Variants in MTR observed in about 807,000 individuals in gnomAD.
MTR encodes the protein 5-methyltetrahydrofolate-homocysteine methyltransferase, also known as methionine synthase.
MTR carries 84 observed loss-of-function variants against 154.8 expected under a neutral mutation model. The observed-to-expected ratio is 0.54, with a 90% CI of 0.45 to 0.65. The LOEUF (loss-of-function observed/expected upper bound fraction) is 0.65, where lower values mean the gene tolerates loss of function less well. Ranked by LOEUF, MTR falls within the 30% of genes least tolerant of loss-of-function variation. The pLI is 0.00. For missense variants in MTR, 1,275 were observed against 1,570.2 expected (o/e 0.81, Z 3.18); for synonymous variants, 554 against 553.9 (o/e 1.00, Z 0.00).
At chr1:236,852,488 G>A (rs748863486) in intron 16 of MTR, 33 bp from the exon 17 acceptor site, 2 of 1,530,902 alleles carry the variant, frequency 1.3e-6, no homozygotes, top group South Asian at 2.2e-5. Context: ...GGCAAAAAAG[G>A]GGAATCTTTT....
intron 18 of MTR, among the ~76,000 whole-genome samples, chr1:236,854,804 CGTTT>C (rs1664108892): frequency 6.6e-6 from 1 of 152,138 alleles, no homozygotes; most frequent in African/African-American, 2.4e-5. Context: ...TCACTTTTAG[CGTTT>C]GTTTACTAGC....
At chr1:236,858,025 G>T (rs1664301778) in intron 18 of MTR, among the ~76,000 whole-genome samples, 1 of 152,202 alleles carries the variant, frequency 6.6e-6, no homozygotes, top group Admixed American at 6.5e-5. Context: ...TGGTGGTAAA[G>T]AGTTGATGGG....
At chr1:236,873,089 T>G (rs997495102) in intron 22 of MTR, among the ~76,000 whole-genome samples, 4 of 152,358 alleles carry the variant, frequency 2.6e-5, no homozygotes, top group African/African-American at 9.6e-5. Flanking sequence ...GTGGAATATT[T>G]TTTGGCCTTA....
At chr1:236,874,685 T>A in intron 23 of MTR, 41 bp from the exon 24 acceptor site, 1 of 1,464,032 alleles carries the variant, frequency 6.8e-7, no homozygotes, top group Non-Finnish European at 9.1e-7. Context: ...TCTTCCTCAC[T>A]GTCCTTTTTG....
intron 2 of MTR, 81 bp downstream of exon 2, chr1:236,803,723 C>T (rs1660819413): frequency 1.1e-5 from 15 of 1,346,316 alleles, no homozygotes; most frequent in Admixed American, 1.8e-5. Flanking sequence ...GCTGCTATGC[C>T]GAGTGCTCCG....
intron 1 of MTR, chr1:236,800,466 C>A: frequency 1.0e-6 from 1 of 985,418 alleles, no homozygotes; most frequent in Non-Finnish European, 1.2e-6. Flanking sequence ...AGCGATTCAG[C>A]TGGGCATGTA....
intron 8 of MTR, among the ~76,000 whole-genome samples, chr1:236,819,364 T>A (rs1192834748): frequency 6.6e-6 from 1 of 152,230 alleles, no homozygotes; most frequent in African/African-American, 2.4e-5. Flanking sequence ...TGTAGCCTTT[T>A]CACATTGGCT....
intron 15 of MTR, among the ~76,000 whole-genome samples, chr1:236,845,653 A>T (rs1053021049): frequency 5.3e-5 from 8 of 152,208 alleles, no homozygotes; most frequent in African/African-American, 1.9e-4. Context: ...CTGAAGAGAA[A>T]TAGATAGGTA....
chr1:236,817,357 A>G lies in MTR; in HGVS notation c.764+814A>G, dbSNP rs942022597. Among the ~76,000 whole-genome samples the G allele has an allele frequency of 2.0e-5, 3 of 151,846 alleles. No individual in the cohort carries two copies. In the South Asian group the frequency reaches 6.2e-4, roughly 32 times the overall value. ...CTCTGCTGACTTCTTCTTAGCCTTT[A>G]AGACTCATCTCAAGAATCTTCCCTC... On this transcript the variant is annotated intron_variant, in intron 8 of 32. Coordinates refer to ENST00000366577, the MANE Select transcript of MTR (RefSeq NM_000254.3).
At chr1:236,796,884 C>T (rs925688695) in intron 1 of MTR, among the ~76,000 whole-genome samples, 4 of 151,908 alleles carry the variant, frequency 2.6e-5, no homozygotes, top group Non-Finnish European at 5.9e-5. Flanking sequence ...ACATCTTTTA[C>T]TCATGATTTC....
Position 236,795,452 on chromosome 1 carries a change from T to G in MTR, c.-252T>G. On this transcript the variant is annotated 5_prime_UTR_variant, in exon 1 of 33. Coordinates refer to ENST00000366577, the MANE Select transcript of MTR (RefSeq NM_000254.3). ...TGGCTGCTAGGCCGACACCAAGGAC[T>G]GGCCGGGTACCCGGGAAGAAAGCAC... 6.7e-7 allele frequency: 1 copy of G among 1,495,662 alleles called. No homozygotes were observed. The highest frequency in any genetic ancestry group is 8.9e-7 in the Non-Finnish European group (1 of 1,120,672). 92.6% of individuals were successfully genotyped at this position (1,495,662 alleles called of 1,614,324 possible).
chr1:236,798,499 C>G (rs1047227352), intron 1 of MTR, among the ~76,000 whole-genome samples: 1 of 152,066 alleles, frequency 6.6e-6, no homozygotes, highest in Non-Finnish European at 1.5e-5. Flanking sequence ...GGAAAAAAAC[C>G]CCACAAAATA....
chr1:236,888,467 G>A (rs1440572618), intron 27 of MTR, among the ~76,000 whole-genome samples: 2 of 152,166 alleles, frequency 1.3e-5, no homozygotes, highest in Admixed American at 6.5e-5. Context: ...AAACATCCAC[G>A]TATACCCACT....
chr1:236,891,483 G>A (rs1159572679), intron 29 of MTR, among the ~76,000 whole-genome samples, 154 bp downstream of exon 29: 1 of 152,210 alleles, frequency 6.6e-6, no homozygotes, highest in Non-Finnish European at 1.5e-5. Context: ...CCAAGCCCAA[G>A]CCATCTGTGA....
At chr1:236,836,543 A>G (rs995895633) in intron 14 of MTR, among the ~76,000 whole-genome samples, 21 of 152,122 alleles carry the variant, frequency 1.4e-4, no homozygotes, top group African/African-American at 4.8e-4. Flanking sequence ...GCAGGAAGTG[A>G]TTTTTGAAGT....
chr1:236,847,221 G>A lies in MTR; in HGVS notation c.1516-3123G>A, dbSNP rs544877093. On this transcript the variant is annotated intron_variant, in intron 15 of 32. Coordinates refer to ENST00000366577, the MANE Select transcript of MTR (RefSeq NM_000254.3). ...CTTTTTTTAATTACAGCCCCAGGAT[G>A]GGCCTCTGCTTCCTCCAGGGTTCTC... Among the ~76,000 whole-genome samples, 39 of 152,172 alleles carry A rather than the reference G, an allele frequency of 2.6e-4. No individual in the cohort carries two copies. In the South Asian group the frequency reaches 7.9e-3, roughly 31 times the overall value.
intron 11 of MTR, among the ~76,000 whole-genome samples, 192 bp from the exon 12 acceptor site, chr1:236,828,997 G>A (rs1364865687): frequency 6.6e-6 from 1 of 152,240 alleles, no homozygotes; most frequent in African/African-American, 2.4e-5. Context: ...ACAGTTTATA[G>A]ATTAATTTTC....
intron 5 of MTR, 25 bp downstream of exon 5, chr1:236,810,620 T>C (rs775459219): frequency 4.4e-6 from 7 of 1,585,226 alleles, no homozygotes; most frequent in Non-Finnish European, 6.1e-6. Context: ...CATATAATCA[T>C]TGATCTTGGG....
intron 21 of MTR, 91 bp from the exon 22 acceptor site, chr1:236,863,363 C>A: frequency 1.0e-6 from 1 of 989,152 alleles, no homozygotes; most frequent in Non-Finnish European, 1.6e-6. Context: ...TATTGAATTG[C>A]TTTCTGTGCT....
Sources: allele counts gnomAD v4.1 joint callset (sites outside exome capture counted in the v4.1 genomes callset), GRCh38; gene constraint gnomAD v4.1.1; transcripts MANE v1.5; gene names NCBI Gene and HGNC (gene_info 2026-07-23, HGNC 2026-07-21).